WDR62: variants seen among roughly 807,000 people sequenced by gnomAD.
WDR62 encodes WD repeat domain 62, also known as WD repeat-containing protein 62.
WDR62 carries 112 observed loss-of-function variants against 160.6 expected under a neutral mutation model. The ratio of observed to expected loss-of-function variants is 0.70; its 90% CI spans 0.60 to 0.82. The LOEUF (loss-of-function observed/expected upper bound fraction) is 0.82. Ranked by LOEUF, WDR62 falls within the 40% of genes least tolerant of loss-of-function variation. The probability of loss-of-function intolerance (pLI) is 0.00; values close to 1 mark genes in which losing one functional copy is unlikely to be tolerated. For synonymous variants in WDR62, 792 were observed against 815.1 expected (o/e 0.97, Z 0.48); for missense variants, 1,819 against 1,983.8 (o/e 0.92, Z 1.58).
At chr19:36,065,592 G>A (rs772875526) in intron 3 of WDR62, among the ~76,000 whole-genome samples, 12 of 152,172 alleles carry the variant, frequency 7.9e-5, no homozygotes, top group African/African-American at 1.2e-4. Context: ...AGCACCACCC[G>A]TTTAGTTAGG....
At chr19:36,066,542 ATAACAGC>A (rs1464333039) in intron 5 of WDR62, 115 bp downstream of exon 5, 1 of 1,178,946 alleles carries the variant, frequency 8.5e-7, no homozygotes, top group Non-Finnish European at 1.2e-6. Flanking sequence ...CACCCAACAG[ATAACAGC>A]TATTGAGCAC....
At chr19:36,094,293 C>G (rs1972822335) in intron 20 of WDR62, 129 bp downstream of exon 20, 1 of 1,215,088 alleles carries the variant, frequency 8.2e-7, no homozygotes, top group Non-Finnish European at 1.2e-6. Flanking sequence ...GTGGCTGATA[C>G]CTGTAATCCC....
chr19:36,064,479 C>T (rs1306131157), intron 3 of WDR62, among the ~76,000 whole-genome samples: 14 of 152,008 alleles, frequency 9.2e-5, no homozygotes, highest in Non-Finnish European at 1.9e-4. Flanking sequence ...CAGGGTTTCA[C>T]CGTGTTAGCC....
intron 7 of WDR62, 123 bp downstream of exon 7, chr19:36,068,133 C>A: frequency 8.3e-7 from 1 of 1,205,686 alleles, no homozygotes; most frequent in Non-Finnish European, 1.2e-6. Context: ...ATGACGCCCA[C>A]TCTCTGAGCT....
intron 20 of WDR62, among the ~76,000 whole-genome samples, chr19:36,094,497 T>C (rs528456457): frequency 1.1e-4 from 17 of 151,882 alleles, no homozygotes; most frequent in Non-Finnish European, 2.2e-4. Flanking sequence ...GAGGTTGCAG[T>C]GAGCTGAGAT....
At chr19:36,097,352 A>T (rs1973035888) in intron 21 of WDR62, among the ~76,000 whole-genome samples, 3 of 152,252 alleles carry the variant, frequency 2.0e-5, no homozygotes, top group African/African-American at 7.2e-5. Flanking sequence ...CAATATCCCC[A>T]TTAAATAAGT....
intron 7 of WDR62, among the ~76,000 whole-genome samples, chr19:36,069,617 C>A (rs577400318): frequency 6.6e-6 from 1 of 152,372 alleles, no homozygotes; most frequent in East Asian, 1.9e-4. Flanking sequence ...GCAATCTCGG[C>A]ACTTTGGGAG....
In WDR62 at chr19:36,086,776, G is replaced by A. The variant is rs2145747764; in HGVS notation, c.1732G>A (p.Asp578Asn). 6.2e-7 allele frequency: 1 copy of A among 1,609,714 alleles called. No individual in the cohort carries two copies. Among genetic ancestry groups the A allele is most frequent in the South Asian group, 1.1e-5 (1 of 90,228 alleles). The change falls in exon 13 of 32, where the codon GAC becomes AAC. Residue 578 changes from aspartate (D) to asparagine (N), a missense_variant. By Grantham distance (23) the Asp-to-Asn change is conservative (BLOSUM62 1). Coordinates refer to ENST00000401500, the MANE Select transcript of WDR62 (RefSeq NM_001083961.2). Reference protein sequence around the residue: ...KNYNLEQTLDDHSSSITAIKF... With the variant: ...KNYNLEQTLDNHSSSITAIKF... ...CTACAACCTGGAGCAGACGCTGGAT[G>A]ACCACTCCTCCTCCATCACCGCCAT...
At chr19:36,076,898 C>T (rs533858862) in intron 9 of WDR62, among the ~76,000 whole-genome samples, 9 of 152,084 alleles carry the variant, frequency 5.9e-5, no homozygotes, top group South Asian at 2.1e-4. Context: ...CCATTATATA[C>T]TATAGTGTCT....
chr19:36,102,232 C>T, intron 26 of WDR62, 81 bp downstream of exon 26: 1 of 1,594,884 alleles, frequency 6.3e-7, no homozygotes, highest in Non-Finnish European at 8.6e-7. Flanking sequence ...AGTTGGCTCC[C>T]CAGCAGGGCC....
chr19:36,084,789 GC>G, intron 12 of WDR62, 45 bp downstream of exon 12: 3 of 1,576,522 alleles, frequency 1.9e-6, no homozygotes, highest in East Asian at 2.2e-5. Context: ...CAGGGAGGCA[GC>G]CCCCCTGGCA....
chr19:36,064,909 T>G (rs1343675007), intron 3 of WDR62, among the ~76,000 whole-genome samples: 1 of 152,134 alleles, frequency 6.6e-6, no homozygotes, highest in Non-Finnish European at 1.5e-5. Flanking sequence ...TCCACCCCAT[T>G]TATTGTGAGG....
chr19:36,086,832 C>T lies in WDR62; in HGVS notation c.1768+20C>T. 1 of 1,606,506 alleles carries T rather than the reference C, an allele frequency of 6.2e-7. No individual in the cohort carries two copies. On this transcript the variant is annotated intron_variant, in intron 13 of 31. Transcript: ENST00000401500. Reference sequence around the variant, plus strand: ...TCGCTGGTGAGCCCCTTTCTTCCCGCTCCCTGCGCCTTGCTAGCTACCCTG... The same window carrying T: ...TCGCTGGTGAGCCCCTTTCTTCCCGTTCCCTGCGCCTTGCTAGCTACCCTG...
In WDR62 at chr19:36,104,734, TGGTGGCCCCTGACAA is replaced by T; in HGVS notation, c.4312-31_4312-17del. 5 of 1,613,800 alleles carry T rather than the reference TGGTGGCCCCTGACAA, an allele frequency of 3.1e-6. No individual in the cohort carries two copies. Among genetic ancestry groups the T allele is most frequent in the Non-Finnish European group, 4.2e-6 (5 of 1,179,998 alleles). ...GGGGTCTCTTGAGACCGCCCGGCCT[TGGTGGCCCCTGACAA>T]GGCTGGCATCCCTTGCAGTTGGTCT... On this transcript the variant is annotated intron_variant, in intron 31 of 31. Coordinates refer to ENST00000401500, the MANE Select transcript of WDR62 (RefSeq NM_001083961.2).
rs760951651 is a variant in WDR62, at chr19:36,100,813, T to A, written c.2805T>A (p.Ser935=). ...TCCTGCCCCAGCAGAAGGAATCATC[T>A]GAGGCCAGTGAGCTCATCCTCTACT... is the stretch of plus-strand genomic sequence containing the variant. ...PSFLPQQKES[S]EASELILYSL... Residue 935 remains serine, a synonymous_variant, in exon 23 of 32, where the codon TCT becomes TCA. Transcript: ENST00000401500. 18 of 1,614,120 alleles carry A rather than the reference T, an allele frequency of 1.1e-5. No individual in the cohort carries two copies. The highest frequency in any genetic ancestry group is 1.4e-5 in the Non-Finnish European group (16 of 1,180,050).
At chr19:36,109,871 T>A (rs1160227624), downstream of WDR62, among the ~76,000 whole-genome samples, 1 of 151,382 alleles carries the variant, frequency 6.6e-6, no homozygotes, top group African/African-American at 2.4e-5. Flanking sequence ...CTGGCCAACA[T>A]GGTGAAACCC....
At chr19:36,086,571 T>C in intron 12 of WDR62, 116 bp from the exon 13 acceptor site, 1 of 1,358,844 alleles carries the variant, frequency 7.4e-7, no homozygotes, top group South Asian at 1.3e-5. Flanking sequence ...TTGGCTACAG[T>C]TGAAGAACCA....
Position 36,094,153 on chromosome 19 carries a change from G to A in WDR62, c.2456G>A (p.Ser819Asn). The change falls in exon 20 of 32, where the codon AGC (serine) becomes AAC (asparagine). Residue 819 changes from serine (S) to asparagine (N), a missense_variant. Transcript: ENST00000401500. ...ATGCTGAAGACACCATCCAAAGATAGCTTGGATCCAGGTTGGAAAAGGGGC... is the reference window on the plus strand; with the variant it reads ...ATGCTGAAGACACCATCCAAAGATAACTTGGATCCAGGTTGGAAAAGGGGC... The part of the protein sequence containing the change: ...EEMLKTPSKD[S>N]LDPDPRCLLT... 1.9e-6 allele frequency: 3 copies of A among 1,614,138 alleles called. No individual in the cohort carries two copies. The highest frequency in any genetic ancestry group is 2.5e-6 in the Non-Finnish European group (3 of 1,179,994).
At chr19:36,108,169 C>T (rs2145896282), downstream of WDR62, among the ~76,000 whole-genome samples, 1 of 152,182 alleles carries the variant, frequency 6.6e-6, no homozygotes, top group Admixed American at 6.5e-5. Flanking sequence ...GAATCAACAC[C>T]CTGACCTTAC....
Sources: gnomAD v4.1 joint callset for allele counts (sites outside exome capture counted in the v4.1 genomes callset) on GRCh38, gnomAD v4.1.1 for gene constraint, MANE v1.5 for transcripts, NCBI Gene and HGNC (gene_info 2026-07-23, HGNC 2026-07-21) for gene names.